CDH9: variants seen among roughly 807,000 people sequenced by gnomAD.
The protein encoded by CDH9 is cadherin 9, also known as cadherin-9.
CDH9 carries 28 observed loss-of-function variants against 70.9 expected under a neutral mutation model. The observed-to-expected ratio is 0.40, with a 90% CI of 0.29 to 0.54. CDH9 has a LOEUF of 0.54. Among genes scored for constraint, CDH9 ranks in the 20% least tolerant of loss-of-function variants. CDH9 has a pLI of 0.59. For synonymous variants in CDH9, 409 were observed against 343.1 expected, an observed-to-expected ratio of 1.19 and a Z score of -2.12; for missense variants, 874 against 984.4, an observed-to-expected ratio of 0.89 and a Z score of 1.50.
At chr5:26,974,752 A>G (rs73073580) in intron 2 of CDH9, among the ~76,000 whole-genome samples, 3,667 of 152,258 alleles carry the variant, frequency 0.024, 159 homozygotes, top group African/African-American at 0.084. Context: ...ATATACATAT[A>G]AATTATGAAG....
At chr5:26,953,746 A>G (rs1312434235) in intron 2 of CDH9, among the ~76,000 whole-genome samples, 1 of 152,070 alleles carries the variant, frequency 6.6e-6, no homozygotes, top group African/African-American at 2.4e-5. Flanking sequence ...TTCTTCTAAC[A>G]TTTAAGTGCA....
intron 1 of CDH9, among the ~76,000 whole-genome samples, chr5:27,002,578 T>A (rs964828109): frequency 5.9e-5 from 9 of 152,146 alleles, no homozygotes; most frequent in African/African-American, 2.2e-4. Flanking sequence ...CACCATGGAA[T>A]ACTATGCAGC....
intron 7 of CDH9, among the ~76,000 whole-genome samples, chr5:26,901,524 A>G (rs1256988525): frequency 6.6e-6 from 1 of 151,940 alleles, no homozygotes; most frequent in Non-Finnish European, 1.5e-5. Flanking sequence ...TAGTATTGTG[A>G]TTATTAATAT....
At position 26,912,098 on chromosome 5, in the gene CDH9, C is replaced by A. The variant is rs373779519; in HGVS notation, c.523+3532G>T. 2.8e-4 allele frequency among the ~76,000 whole-genome samples: 42 copies of A among 152,236 alleles called. 1 individual carries two copies. Among genetic ancestry groups the A allele is most frequent in the African/African-American group, 9.1e-4 (38 of 41,556 alleles). Reference sequence around the variant, plus strand: ...TATCTTATTCCATAAGACTCTATTTCTTCACAAAGCTAATACTTGCAGTTT... The same window carrying A: ...TATCTTATTCCATAAGACTCTATTTATTCACAAAGCTAATACTTGCAGTTT... On this transcript the variant is annotated intron_variant, in intron 3 of 11. Coordinates refer to ENST00000231021, the MANE Select transcript of CDH9 (RefSeq NM_016279.4).
At chr5:26,926,155 C>T (rs912477734) in intron 2 of CDH9, among the ~76,000 whole-genome samples, 24 of 152,018 alleles carry the variant, frequency 1.6e-4, no homozygotes, top group African/African-American at 5.8e-4. Flanking sequence ...TCAAATTGTC[C>T]CTGTTTGCAG....
At chr5:27,031,174 C>T (rs1387203423) in intron 1 of CDH9, among the ~76,000 whole-genome samples, 2 of 151,610 alleles carry the variant, frequency 1.3e-5, no homozygotes, top group African/African-American at 4.8e-5. Flanking sequence ...TAAATGATTA[C>T]AACTGCTATT....
intron 2 of CDH9, among the ~76,000 whole-genome samples, chr5:26,960,449 T>C (rs1019611555): frequency 1.3e-5 from 2 of 152,030 alleles, no homozygotes; most frequent in Admixed American, 1.3e-4. Context: ...ATTTTCACAT[T>C]TCTACATATA....
intron 11 of CDH9, 141 bp downstream of exon 11, chr5:26,885,473 T>C: frequency 1.3e-6 from 1 of 763,190 alleles, no homozygotes; most frequent in Non-Finnish European, 2.1e-6. Context: ...TATTTTTTCC[T>C]AATTGAAAGA....
At chr5:26,990,659 C>T (rs563154183) in intron 1 of CDH9, among the ~76,000 whole-genome samples, 11 of 152,122 alleles carry the variant, frequency 7.2e-5, no homozygotes, top group Non-Finnish European at 1.3e-4. Flanking sequence ...CCAGAACATG[C>T]CCCATGTTTT....
chr5:26,957,652 C>T (rs1011699298), intron 2 of CDH9, among the ~76,000 whole-genome samples: 7 of 150,856 alleles, frequency 4.6e-5, no homozygotes, highest in Admixed American at 6.6e-5. Flanking sequence ...ACAGAAGAGA[C>T]GGTCTCAAAA....
chr5:26,955,429 T>C (rs1375082301), intron 2 of CDH9, among the ~76,000 whole-genome samples: 1 of 152,184 alleles, frequency 6.6e-6, no homozygotes, highest in Non-Finnish European at 1.5e-5. Flanking sequence ...TCCTCAGGGC[T>C]CAAGGGGAGA....
At position 26,885,631 on chromosome 5, in the gene CDH9, C is replaced by T; in HGVS notation, c.1865G>A (p.Cys622Tyr). ...GAGCTTACTAAGCAGTATGAGGACA[C>T]AGAGTAGAATCGCAACGAGAGCTCC... ...STGALVAILL[C>Y]VLILLILVVL... The change falls in exon 11 of 12, where the codon TGT becomes TAT. Residue 622 changes from cysteine to tyrosine, a missense_variant. By Grantham distance (194) the Cys-to-Tyr change is radical. Transcript: ENST00000231021. The T allele has an allele frequency of 1.2e-6, 2 of 1,613,222 alleles. No individual in the cohort carries two copies. Among genetic ancestry groups the T allele is most frequent in the Non-Finnish European group, 1.7e-6 (2 of 1,179,824 alleles).
chr5:26,897,234 C>T (rs1291822327), intron 7 of CDH9, among the ~76,000 whole-genome samples: 1 of 151,898 alleles, frequency 6.6e-6, no homozygotes, highest in Non-Finnish European at 1.5e-5. Context: ...CAAATTTTAC[C>T]AGAGATACAT....
At chr5:26,931,269 G>T (rs930400043) in intron 2 of CDH9, among the ~76,000 whole-genome samples, 3 of 152,098 alleles carry the variant, frequency 2.0e-5, no homozygotes, top group Non-Finnish European at 4.4e-5. Flanking sequence ...TCAGAGTTCA[G>T]GGCTGCTATT....
chr5:26,885,476 T>C lies in CDH9; in HGVS notation c.1882+138A>G, dbSNP rs1291155376. ...CACAAAAACGCTTATTTTTTCCTAA[T>C]TGAAAGAAGAATTTTAATAAAAAGT... On this transcript the variant is annotated intron_variant, in intron 11 of 11. Coordinates refer to ENST00000231021, the MANE Select transcript of CDH9 (RefSeq NM_016279.4). 5.1e-6 allele frequency: 4 copies of C among 788,452 alleles called. No homozygotes were observed. In the African/African-American group the frequency reaches 7.0e-5, roughly 14 times the overall value. The allele number at this position is 788,452 out of a possible 1,614,324, so 48.8% of individuals were successfully genotyped here.
chr5:26,983,531 T>C (rs1742436874), intron 2 of CDH9, among the ~76,000 whole-genome samples: 1 of 152,216 alleles, frequency 6.6e-6, no homozygotes. Flanking sequence ...TGAGTTTTTA[T>C]AGAATTCAGT....
At chr5:26,990,264 T>G (rs1742558962) in intron 1 of CDH9, among the ~76,000 whole-genome samples, 1 of 152,180 alleles carries the variant, frequency 6.6e-6, no homozygotes, top group South Asian at 2.1e-4. Context: ...GTATTATAGA[T>G]TCTTGCTATG....
intron 9 of CDH9, 49 bp from the exon 10 acceptor site, chr5:26,886,132 T>C (rs778634247): frequency 2.0e-6 from 3 of 1,535,064 alleles, no homozygotes; most frequent in Non-Finnish European, 2.6e-6. Context: ...GGCAATGTTC[T>C]TGTTATTACA....
At chr5:26,906,940 A>C in intron 3 of CDH9, 102 bp from the exon 4 acceptor site, 1 of 1,337,036 alleles carries the variant, frequency 7.5e-7, no homozygotes, top group Non-Finnish European at 9.7e-7. Context: ...GTATTAGACG[A>C]TGTTGTATGT....
Sources: gnomAD v4.1 joint callset for allele counts (sites outside exome capture counted in the v4.1 genomes callset) on GRCh38, gnomAD v4.1.1 for gene constraint, MANE v1.5 for transcripts, NCBI Gene and HGNC (gene_info 2026-07-23, HGNC 2026-07-21) for gene names.